The following XPR1 variants were observed in gnomAD, a reference collection of about 807,000 sequenced individuals.
The protein encoded by XPR1 is solute carrier family 53 member 1.
XPR1 carries 28 observed loss-of-function variants against 87.5 expected under a neutral mutation model. The ratio of observed to expected loss-of-function variants is 0.32; its 90% CI spans 0.24 to 0.44. The LOEUF is 0.44. Among genes scored for constraint, XPR1 ranks in the 20% least tolerant of loss-of-function variants. The pLI, the probability that XPR1 is intolerant of heterozygous loss-of-function variation, is 1.00. For missense variants in XPR1, 559 were observed against 862.3 expected (o/e 0.65, Z 4.41); for synonymous variants, 300 against 306.1 (o/e 0.98, Z 0.21).
intron 1 of XPR1, among the ~76,000 whole-genome samples, chr1:180,640,646 A>G (rs1322007008): frequency 6.6e-6 from 1 of 152,264 alleles, no homozygotes; most frequent in East Asian, 1.9e-4. Flanking sequence ...GTTTGGAGAT[A>G]GTAGAGTGTG....
intron 1 of XPR1, among the ~76,000 whole-genome samples, chr1:180,663,956 T>C (rs181076731): frequency 9.5e-4 from 145 of 152,284 alleles, no homozygotes; most frequent in African/African-American, 3.2e-3. Context: ...GTACCACCAA[T>C]GTGCACTTAT....
At chr1:180,660,727 G>GT (rs1571693179) in intron 1 of XPR1, among the ~76,000 whole-genome samples, 3 of 146,916 alleles carry the variant, frequency 2.0e-5, no homozygotes, top group East Asian at 3.9e-4. Flanking sequence ...TATTATTTCA[G>GT]TTTTTTTGAA....
In XPR1 at chr1:180,888,009, G is replaced by A. The variant is rs1653069169; in HGVS notation, c.*3943G>A. On this transcript the variant is annotated 3_prime_UTR_variant, in exon 15 of 15. Transcript: ENST00000367590. The stretch of plus-strand genomic sequence containing the variant: ...GTGAAATAACTTTGGAGATAGCAGA[G>A]AAGAGCAAGAAGATGTTGGACGTTG... 1.3e-5 allele frequency: 2 copies of A among 152,226 alleles called. No individual in the cohort carries two copies. The highest frequency in any genetic ancestry group is 4.8e-5 in the African/African-American group (2 of 41,438). 9.4% of individuals were successfully genotyped at this position (152,226 alleles called of 1,614,324 possible). A position where few individuals can be genotyped will look rare whatever the true frequency, so the allele number is the denominator to read the frequency against.
chr1:180,768,720 G>A lies in XPR1; in HGVS notation c.122-19033G>A, dbSNP rs145036364. Reference sequence around the variant, plus strand: ...TAGCTGTAAATTGTATAATAAAGTTGCCTAACTAAGGTTTTACTATCTCAA... The same window carrying A: ...TAGCTGTAAATTGTATAATAAAGTTACCTAACTAAGGTTTTACTATCTCAA... On this transcript the variant is annotated intron_variant, in intron 2 of 14. Transcript: ENST00000367590. Among the ~76,000 whole-genome samples the A allele has an allele frequency of 2.8e-3, 427 of 152,306 alleles. 2 individuals carry two copies. The highest frequency in any genetic ancestry group is 4.8e-3 in the Non-Finnish European group (325 of 68,018).
intron 2 of XPR1, among the ~76,000 whole-genome samples, chr1:180,774,384 CTTTTT>C (rs71121051): frequency 6.1e-4 from 42 of 68,904 alleles, no homozygotes; most frequent in African/African-American, 2.5e-3. Flanking sequence ...TCTTTCCTAT[CTTTTT>C]TTTTTTTTTT....
intron 2 of XPR1, among the ~76,000 whole-genome samples, chr1:180,765,640 T>C (rs1259665048): frequency 6.6e-6 from 1 of 152,232 alleles, no homozygotes; most frequent in Non-Finnish European, 1.5e-5. Context: ...TCCTGTATGT[T>C]TTAAATCTTC....
intron 1 of XPR1, among the ~76,000 whole-genome samples, chr1:180,678,875 C>G (rs1376378111): frequency 2.6e-5 from 4 of 152,080 alleles, no homozygotes; most frequent in Non-Finnish European, 4.4e-5. Flanking sequence ...TTACTTCTTC[C>G]TTTTTGGTAT....
At position 180,839,244 on chromosome 1, in the gene XPR1, A is replaced by G. The variant is rs187368725; in HGVS notation, c.1501+2528A>G. 6.7e-3 allele frequency among the ~76,000 whole-genome samples: 1,026 copies of G among 152,306 alleles called. 6 individuals are homozygous for G. The highest frequency in any genetic ancestry group is 8.7e-3 in the Non-Finnish European group (589 of 68,014). Reference sequence around the variant, plus strand: ...ATGAAATTTTCTTGGTTGAAAGCAAAGAGTTGAAAATAAATAAAGCAAATA... The same window carrying G: ...ATGAAATTTTCTTGGTTGAAAGCAAGGAGTTGAAAATAAATAAAGCAAATA... On this transcript the variant is annotated intron_variant, in intron 11 of 14. Coordinates refer to ENST00000367590, the MANE Select transcript of XPR1 (RefSeq NM_004736.4).
chr1:180,717,374 A>G (rs1490717453), intron 2 of XPR1, among the ~76,000 whole-genome samples: 1 of 152,102 alleles, frequency 6.6e-6, no homozygotes, highest in Non-Finnish European at 1.5e-5. Context: ...GTTTTTTAAA[A>G]CCTGTCATGC....
chr1:180,714,831 C>G (rs1475329307), intron 2 of XPR1, among the ~76,000 whole-genome samples: 1 of 148,248 alleles, frequency 6.7e-6, no homozygotes, highest in African/African-American at 2.6e-5. Flanking sequence ...CGACCCTTTT[C>G]TGTTGTTTGG....
At chr1:180,831,373 T>C (rs1482650151) in intron 9 of XPR1, among the ~76,000 whole-genome samples, 2 of 149,704 alleles carry the variant, frequency 1.3e-5, no homozygotes, top group Non-Finnish European at 3.0e-5. Context: ...TTTTTTTTTT[T>C]TTTTTTTTGA....
chr1:180,734,678 G>A (rs567928340), intron 2 of XPR1, among the ~76,000 whole-genome samples: 3 of 152,256 alleles, frequency 2.0e-5, no homozygotes, highest in East Asian at 1.9e-4. Context: ...TCAGTATGGC[G>A]TATCAGCCCA....
intron 2 of XPR1, among the ~76,000 whole-genome samples, chr1:180,729,672 A>G (rs1658485339): frequency 6.6e-6 from 1 of 152,060 alleles, no homozygotes; most frequent in Non-Finnish European, 1.5e-5. Flanking sequence ...GTATTTTTTC[A>G]TATACTTGTT....
chr1:180,658,339 T>G (rs1655611257), intron 1 of XPR1, among the ~76,000 whole-genome samples: 1 of 152,212 alleles, frequency 6.6e-6, no homozygotes, highest in Non-Finnish European at 1.5e-5. Context: ...ACAACAATGG[T>G]GAAAGTGGGC....
intron 2 of XPR1, among the ~76,000 whole-genome samples, chr1:180,764,796 T>A (rs1648208589): frequency 6.8e-6 from 1 of 146,556 alleles, no homozygotes; most frequent in Admixed American, 6.8e-5. Context: ...TTCTTTTTTT[T>A]TTTTTTTGAG....
chr1:180,868,541 G>T (rs1324471666), intron 12 of XPR1, among the ~76,000 whole-genome samples: 1 of 85,862 alleles, frequency 1.2e-5, no homozygotes, highest in Admixed American at 1.2e-4. Flanking sequence ...TCCCTTGTAA[G>T]TTGGATTCCT....
intron 9 of XPR1, 129 bp from the exon 10 acceptor site, chr1:180,834,745 A>G: frequency 9.5e-7 from 1 of 1,051,818 alleles, no homozygotes; most frequent in Non-Finnish European, 1.3e-6. Context: ...AGGTCTCTGT[A>G]TTTATGATTG....
intron 6 of XPR1, among the ~76,000 whole-genome samples, chr1:180,809,869 G>A (rs1295360592): frequency 6.6e-6 from 1 of 152,028 alleles, no homozygotes; most frequent in Non-Finnish European, 1.5e-5. Context: ...TTTATCTTTG[G>A]AAAAGACAAA....
intron 1 of XPR1, among the ~76,000 whole-genome samples, chr1:180,651,875 A>G (rs774986726): frequency 3.3e-5 from 5 of 152,238 alleles, no homozygotes; most frequent in Non-Finnish European, 5.9e-5. Context: ...TTCAATAAAA[A>G]TAACAATAGC....
Sources: gnomAD v4.1 joint callset for allele counts (sites outside exome capture counted in the v4.1 genomes callset) on GRCh38, gnomAD v4.1.1 for gene constraint, MANE v1.5 for transcripts, NCBI Gene and HGNC (gene_info 2026-07-23, HGNC 2026-07-21) for gene names.